RNF38: variants seen among roughly 807,000 people sequenced by gnomAD.
The protein encoded by RNF38 is E3 ubiquitin-protein ligase RNF38.
RNF38 carries 15 observed loss-of-function variants against 67.2 expected under a neutral mutation model. The ratio of observed to expected loss-of-function variants is 0.22; its 90% CI spans 0.15 to 0.34. The LOEUF is 0.34. Ranked by LOEUF, RNF38 falls within the 10% of genes least tolerant of loss-of-function variation. The probability of loss-of-function intolerance (pLI) is 1.00; values close to 1 mark genes in which losing one functional copy is unlikely to be tolerated. For missense variants in RNF38, 524 were observed against 639.9 expected, an observed-to-expected ratio of 0.82 and a Z score of 1.95; for synonymous variants, 220 against 218.8, an observed-to-expected ratio of 1.01 and a Z score of -0.05.
chr9:36,394,406 G>A (rs750946295), intron 1 of RNF38, among the ~76,000 whole-genome samples: 7 of 152,218 alleles, frequency 4.6e-5, no homozygotes, highest in Non-Finnish European at 8.8e-5. Context: ...AAATAAATTT[G>A]TAGTAATTTG....
intron 2 of RNF38, among the ~76,000 whole-genome samples, chr9:36,387,091 C>T (rs1836700211): frequency 6.6e-6 from 1 of 152,212 alleles, no homozygotes; most frequent in Non-Finnish European, 1.5e-5. Flanking sequence ...GTGCGAGCCA[C>T]CGTGTGGGAG....
chr9:36,436,665 T>C (rs925145458), intron 1 of RNF38, among the ~76,000 whole-genome samples: 1 of 150,308 alleles, frequency 6.7e-6, no homozygotes, highest in African/African-American at 2.5e-5. Context: ...CTACTAAAAA[T>C]ACAAAACATT....
intron 1 of RNF38, among the ~76,000 whole-genome samples, chr9:36,452,992 C>A (rs1251493111): frequency 6.6e-6 from 1 of 152,096 alleles, no homozygotes; most frequent in Admixed American, 6.5e-5. Flanking sequence ...TGTAGACTTA[C>A]GTTTTCAATT....
chr9:36,468,423 T>A (rs1340545652), intron 1 of RNF38, among the ~76,000 whole-genome samples: 2 of 152,178 alleles, frequency 1.3e-5, no homozygotes, highest in Non-Finnish European at 2.9e-5. Context: ...GAGTTCTTTA[T>A]CTGGGGCAAA....
chr9:36,417,429 CAGT>C (rs1441617138), intron 2 of RNF38, among the ~76,000 whole-genome samples: 2 of 152,182 alleles, frequency 1.3e-5, no homozygotes, highest in Non-Finnish European at 2.9e-5. Context: ...TGAATTCTAA[CAGT>C]AGGTTAACTT....
Position 36,357,939 on chromosome 9 carries a change from G to A in RNF38, c.574C>T (p.His192Tyr). 1.2e-6 allele frequency: 2 copies of A among 1,609,540 alleles called. No individual in the cohort carries two copies. The highest frequency in any genetic ancestry group is 1.7e-6 in the Non-Finnish European group (2 of 1,177,372). The change falls in exon 5 of 12, where the codon CAT becomes TAT. Residue 192 changes from histidine (H) to tyrosine (Y), a missense_variant. This residue lies in a region of RNF38 where 461 missense variants were observed against 517.4 expected (regional missense o/e 0.89). Coordinates refer to ENST00000259605, the MANE Select transcript of RNF38 (RefSeq NM_022781.5). ...AVMVDIHDQL[H>Y]QGTVPVSYTV... ...TAAGAAACAGGGACTGTTCCTTGAT[G>A]GAGCTTTAAAGGAAAAAACAAATGA...
chr9:36,355,256 G>A (rs1475434875), intron 6 of RNF38, among the ~76,000 whole-genome samples: 1 of 152,188 alleles, frequency 6.6e-6, no homozygotes, highest in African/African-American at 2.4e-5. Flanking sequence ...CCACAGAGCT[G>A]AAATCTTCCA....
Position 36,408,809 on chromosome 9 carries a change from T to C in RNF38, n.312+15804A>G, listed in dbSNP as rs138232343. On this transcript the variant is annotated intron_variant and non_coding_transcript_variant, in intron 2 of 3. Transcript: ENST00000488058. Reference sequence around the variant, plus strand: ...GCTCAAATCATTAAGAATTGGGCATTAATGGAAAATGTGATCCCAAAAGCC... The same window carrying C: ...GCTCAAATCATTAAGAATTGGGCATCAATGGAAAATGTGATCCCAAAAGCC... 6.6e-5 allele frequency among the ~76,000 whole-genome samples: 10 copies of C among 152,302 alleles called. No individual in the cohort carries two copies. The East Asian group carries it at 1.7e-3, about 26-fold the overall frequency.
chr9:36,465,583 G>A (rs1839840341), intron 1 of RNF38, among the ~76,000 whole-genome samples: 1 of 152,090 alleles, frequency 6.6e-6, no homozygotes, highest in Non-Finnish European at 1.5e-5. Flanking sequence ...GACCTCAGGT[G>A]ATCCGCCTGC....
At chr9:36,413,962 T>A (rs2483656) in intron 2 of RNF38, among the ~76,000 whole-genome samples, 5,923 of 152,318 alleles carry the variant, frequency 0.039, 358 homozygotes, top group African/African-American at 0.13. Flanking sequence ...GTTGGACCAG[T>A]CCTTTTATCA....
At chr9:36,458,444 C>A (rs1192595469) in intron 1 of RNF38, among the ~76,000 whole-genome samples, 1 of 152,184 alleles carries the variant, frequency 6.6e-6, no homozygotes, top group Non-Finnish European at 1.5e-5. Flanking sequence ...GATCTTGCTG[C>A]TGCTCACTCT....
At chr9:36,467,737 C>T (rs1017532881) in intron 1 of RNF38, among the ~76,000 whole-genome samples, 2 of 152,196 alleles carry the variant, frequency 1.3e-5, no homozygotes, top group Admixed American at 6.5e-5. Context: ...TTTGTGGACA[C>T]ACACCAAAAT....
chr9:36,446,160 C>T (rs1414080399), intron 1 of RNF38, among the ~76,000 whole-genome samples: 2 of 152,162 alleles, frequency 1.3e-5, no homozygotes, highest in African/African-American at 4.8e-5. Context: ...GTGACTTAGC[C>T]CTGCCCAAGC....
upstream of RNF38, chr9:36,400,386 G>A: frequency 1.7e-6 from 2 of 1,164,322 alleles, no homozygotes; most frequent in African/African-American, 1.6e-5. Flanking sequence ...GCAGCGGGCC[G>A]GCGGCTCCGC....
chr9:36,449,110 T>C (rs1256890155), intron 1 of RNF38, among the ~76,000 whole-genome samples: 2 of 152,178 alleles, frequency 1.3e-5, no homozygotes, highest in East Asian at 1.9e-4. Context: ...TTATTAATAA[T>C]GGCTTTTTGG....
At chr9:36,402,337 G>T (rs1587622815), upstream of RNF38, among the ~76,000 whole-genome samples, 1 of 151,696 alleles carries the variant, frequency 6.6e-6, no homozygotes, top group Non-Finnish European at 1.5e-5. Flanking sequence ...ATCTAAACTT[G>T]TTTTTTTTGT....
At chr9:36,387,285 T>C (rs1189279089) in intron 2 of RNF38, among the ~76,000 whole-genome samples, 6 of 152,148 alleles carry the variant, frequency 3.9e-5, no homozygotes, top group Non-Finnish European at 7.4e-5. Flanking sequence ...CTAAGAACCC[T>C]CTCCTGGGGT....
intron 1 of RNF38, among the ~76,000 whole-genome samples, chr9:36,393,916 G>T (rs534046595): frequency 6.6e-6 from 1 of 152,238 alleles, no homozygotes; most frequent in East Asian, 1.9e-4. Context: ...CAAGAAATGG[G>T]GGACCTCAGT....
chr9:36,406,653 T>C (rs967340290), intron 2 of RNF38, among the ~76,000 whole-genome samples: 1 of 152,242 alleles, frequency 6.6e-6, no homozygotes, highest in African/African-American at 2.4e-5. Flanking sequence ...GTTAATGATA[T>C]GTAAATATTT....
Sources: gnomAD v4.1 joint callset for allele counts (sites outside exome capture counted in the v4.1 genomes callset) on GRCh38, gnomAD v4.1.1 for gene constraint, gnomAD v4.1.1 regional missense constraint, MANE v1.5 for transcripts, NCBI Gene and HGNC (gene_info 2026-07-23, HGNC 2026-07-21) for gene names.